Variants in NELL1 observed in about 807,000 individuals in gnomAD.
The protein encoded by NELL1 is protein kinase C-binding protein NELL1.
Under a neutral mutation model 107.4 loss-of-function variants are expected in NELL1, and 76 were observed. That is an observed-to-expected ratio of 0.71 (90% confidence interval 0.59 to 0.86). NELL1 has a LOEUF of 0.86. Among genes scored for constraint, NELL1 ranks in the 40% least tolerant of loss-of-function variants. The pLI, the probability that NELL1 is intolerant of heterozygous loss-of-function variation, is 0.00. For synonymous variants in NELL1, 353 were observed against 341.2 expected, an observed-to-expected ratio of 1.03 and a Z score of -0.38; for missense variants, 1,024 against 1,005.5, an observed-to-expected ratio of 1.02 and a Z score of -0.25.
intron 15 of NELL1, among the ~76,000 whole-genome samples, chr11:21,489,810 C>T (rs1854751701): frequency 6.6e-6 from 1 of 151,876 alleles, no homozygotes; most frequent in African/African-American, 2.4e-5. Flanking sequence ...ATAATCATGC[C>T]ATATATGACA....
intron 15 of NELL1, among the ~76,000 whole-genome samples, chr11:21,461,377 G>C (rs1272131947): frequency 6.6e-6 from 1 of 152,050 alleles, no homozygotes; most frequent in Non-Finnish European, 1.5e-5. Flanking sequence ...TCGATATTAA[G>C]AAATCATTTT....
At chr11:20,715,651 G>A (rs761747780) in intron 2 of NELL1, among the ~76,000 whole-genome samples, 3 of 152,192 alleles carry the variant, frequency 2.0e-5, no homozygotes, top group African/African-American at 7.2e-5. Flanking sequence ...TCTTTTGACA[G>A]GTATTTTAAA....
chr11:21,154,594 T>A (rs1006208331), intron 13 of NELL1, among the ~76,000 whole-genome samples: 1 of 152,054 alleles, frequency 6.6e-6, no homozygotes, highest in Admixed American at 6.6e-5. Flanking sequence ...TTTAAGGTGA[T>A]AAGGACAAAA....
intron 12 of NELL1, among the ~76,000 whole-genome samples, chr11:21,033,808 A>C (rs1853022047): frequency 6.6e-6 from 1 of 152,176 alleles, no homozygotes; most frequent in African/African-American, 2.4e-5. Context: ...TCTTTGAGGA[A>C]TCACCATACT....
intron 14 of NELL1, among the ~76,000 whole-genome samples, chr11:21,370,226 C>A (rs1480450788): frequency 6.6e-6 from 1 of 151,916 alleles, no homozygotes; most frequent in Non-Finnish European, 1.5e-5. Context: ...AAAATCCATA[C>A]CCTTGGGACC....
At chr11:21,180,850 A>G (rs1250764845) in intron 13 of NELL1, among the ~76,000 whole-genome samples, 2 of 149,738 alleles carry the variant, frequency 1.3e-5, no homozygotes, top group Non-Finnish European at 3.0e-5. Flanking sequence ...TTCTCCATGG[A>G]TTTCCTTAAT....
chr11:20,710,694 T>A lies in NELL1; in HGVS notation c.184+32634T>A, dbSNP rs138107747. The stretch of plus-strand genomic sequence containing the variant: ...GTGTTTTTTGTTGGCAGTTTTTTTT[T>A]AATTACTGTTTCAATCTTGCTACTT... On this transcript the variant is annotated intron_variant, in intron 2 of 19. Transcript: ENST00000357134. 7.7e-4 allele frequency among the ~76,000 whole-genome samples: 117 copies of A among 152,238 alleles called. 1 individual carries two copies. The East Asian group carries it at 0.013, about 17-fold the overall frequency.
intron 2 of NELL1, among the ~76,000 whole-genome samples, chr11:20,775,707 G>A (rs12799803): frequency 0.27 from 41,672 of 152,076 alleles, 6,873 homozygotes; most frequent in African/African-American, 0.46. Context: ...GGAATGCATT[G>A]ATTTTCCTAC....
At chr11:20,750,941 AAC>A (rs1564892809) in intron 2 of NELL1, among the ~76,000 whole-genome samples, 1 of 152,120 alleles carries the variant, frequency 6.6e-6, no homozygotes, top group Non-Finnish European at 1.5e-5. Flanking sequence ...CAGCTTTTAA[AAC>A]ACAGCTCCCC....
intron 14 of NELL1, among the ~76,000 whole-genome samples, chr11:21,315,085 G>T (rs1007096790): frequency 3.3e-5 from 5 of 152,106 alleles, no homozygotes; most frequent in Non-Finnish European, 7.4e-5. Flanking sequence ...TTGAACTCCT[G>T]ACCTCAGGTG....
rs574284297 is a variant in NELL1, at chr11:21,102,606, G to C, written c.1301-10983G>C. Among the ~76,000 whole-genome samples, 29 of 152,210 alleles carry C rather than the reference G, an allele frequency of 1.9e-4. No individual in the cohort carries two copies. The East Asian group carries it at 5.2e-3, about 27-fold the overall frequency. On this transcript the variant is annotated intron_variant, in intron 12 of 19. Coordinates refer to ENST00000357134, the MANE Select transcript of NELL1 (RefSeq NM_006157.5). ...GAGTTAATAATATAGGACAGCACCT[G>C]GCACTTGCAAAATGTTATACAAATG...
At chr11:21,154,659 G>A (rs551726042) in intron 13 of NELL1, among the ~76,000 whole-genome samples, 2 of 152,210 alleles carry the variant, frequency 1.3e-5, no homozygotes, top group East Asian at 3.9e-4. Flanking sequence ...GATTAATGTA[G>A]AAAGGAAGAA....
intron 12 of NELL1, among the ~76,000 whole-genome samples, chr11:21,088,210 T>C (rs1040969918): frequency 3.3e-5 from 5 of 151,998 alleles, no homozygotes; most frequent in Non-Finnish European, 2.9e-5. Flanking sequence ...CTCCGGGACA[T>C]AGAGAATGTG....
At chr11:20,798,466 C>A (rs1005353466) in intron 3 of NELL1, among the ~76,000 whole-genome samples, 1 of 151,850 alleles carries the variant, frequency 6.6e-6, no homozygotes, top group African/African-American at 2.4e-5. Context: ...AATATTTTTG[C>A]ATAAAATCAT....
At chr11:21,477,919 TAAAA>T (rs1291844823) in intron 15 of NELL1, among the ~76,000 whole-genome samples, 3 of 33,196 alleles carry the variant, frequency 9.0e-5, no homozygotes, top group African/African-American at 3.2e-4. Flanking sequence ...GAAATTATAA[TAAAA>T]AGAAGCAGAA....
intron 15 of NELL1, among the ~76,000 whole-genome samples, chr11:21,443,040 C>CA (rs34085673): frequency 0.33 from 45,190 of 138,434 alleles, 7,203 homozygotes; most frequent in South Asian, 0.42. Flanking sequence ...GGGTAATTTA[C>CA]AAAAAAAGGA....
rs929271661 is a variant in NELL1 at position 21,326,409 on chromosome 11, G to C, written c.1550-44444G>C. On this transcript the variant is annotated intron_variant, in intron 14 of 19. Transcript: ENST00000357134. ...ATGTTTAAACTAAAATATTTAAAAG[G>C]GTAAATTTTAATTTCCCTGGTCCAA... Among the ~76,000 whole-genome samples, 4 of 151,256 alleles carry C rather than the reference G, an allele frequency of 2.6e-5. No homozygotes were observed. In the East Asian group the frequency reaches 7.7e-4, roughly 29 times the overall value.
At chr11:21,485,717 A>G (rs1376692596) in intron 15 of NELL1, among the ~76,000 whole-genome samples, 4 of 151,816 alleles carry the variant, frequency 2.6e-5, no homozygotes, top group African/African-American at 9.7e-5. Context: ...ACATTCTGCC[A>G]ATAATCTGGG....
intron 2 of NELL1, among the ~76,000 whole-genome samples, chr11:20,682,698 T>G (rs879865241): frequency 1.3e-5 from 2 of 152,046 alleles, no homozygotes; most frequent in African/African-American, 2.4e-5. Flanking sequence ...AACATAGTTA[T>G]CACCCAAAAA....
Sources: allele counts gnomAD v4.1 joint callset (sites outside exome capture counted in the v4.1 genomes callset), GRCh38; gene constraint gnomAD v4.1.1; transcripts MANE v1.5; gene names NCBI Gene and HGNC (gene_info 2026-07-23, HGNC 2026-07-21).